The following SLC9C1 variants were observed in gnomAD, a reference collection of about 807,000 sequenced individuals.
SLC9C1 encodes sodium/hydrogen exchanger 10.
Under a neutral mutation model 140.9 loss-of-function variants are expected in SLC9C1, and 97 were observed. The ratio of observed to expected loss-of-function variants is 0.69; its 90% CI spans 0.58 to 0.82. The LOEUF (loss-of-function observed/expected upper bound fraction) is 0.82. Ranked by LOEUF, SLC9C1 falls within the 40% of genes least tolerant of loss-of-function variation. The pLI is 0.00. For synonymous variants in SLC9C1, 440 were observed against 442.6 expected (o/e 0.99, Z 0.07); for missense variants, 1,340 against 1,389.3 (o/e 0.96, Z 0.56).
chr3:112,261,728 CTT>C (rs1052445333), intron 10 of SLC9C1, among the ~76,000 whole-genome samples: 9 of 152,060 alleles, frequency 5.9e-5, no homozygotes, highest in African/African-American at 2.2e-4. Context: ...TATATCATCA[CTT>C]ATAATTTCAT....
chr3:112,225,045 C>G, intron 13 of SLC9C1, among the ~76,000 whole-genome samples: 1 of 151,952 alleles, frequency 6.6e-6, no homozygotes, highest in East Asian at 1.9e-4. Context: ...TCAAATATCC[C>G]CCAAAAGATT....
At chr3:112,258,611 T>G (rs1465389656) in intron 10 of SLC9C1, among the ~76,000 whole-genome samples, 1 of 151,904 alleles carries the variant, frequency 6.6e-6, no homozygotes, top group Non-Finnish European at 1.5e-5. Context: ...TGTATTTTTA[T>G]TTTTAGTTTT....
intron 10 of SLC9C1, among the ~76,000 whole-genome samples, chr3:112,255,158 C>G (rs1334262492): frequency 6.6e-6 from 1 of 152,108 alleles, no homozygotes; most frequent in Non-Finnish European, 1.5e-5. Flanking sequence ...ACTCCACGGA[C>G]AGTAGCAAAC....
intron 23 of SLC9C1, among the ~76,000 whole-genome samples, chr3:112,175,446 A>T (rs1050460089): frequency 6.6e-6 from 1 of 152,106 alleles, no homozygotes; most frequent in African/African-American, 2.4e-5. Flanking sequence ...CCTACTTAAA[A>T]ATAACAGTCT....
At chr3:112,211,921 C>A (rs556623517) in intron 15 of SLC9C1, among the ~76,000 whole-genome samples, 1 of 152,228 alleles carries the variant, frequency 6.6e-6, no homozygotes, top group African/African-American at 2.4e-5. Flanking sequence ...AAGTGGATCT[C>A]TGACCCCCGA....
intron 28 of SLC9C1, among the ~76,000 whole-genome samples, chr3:112,149,236 T>C (rs2074889476): frequency 6.6e-6 from 1 of 152,018 alleles, no homozygotes; most frequent in African/African-American, 2.4e-5. Context: ...TGCCTGGTCA[T>C]GGAGCAGAGA....
chr3:112,198,238 AT>A (rs1252898616), intron 20 of SLC9C1, among the ~76,000 whole-genome samples: 12 of 151,778 alleles, frequency 7.9e-5, no homozygotes, highest in Non-Finnish European at 1.2e-4. Context: ...ATATAATAAT[AT>A]TTTTCTAAAT....
Position 112,141,325 on chromosome 3 carries a change from G to C in SLC9C1, c.3525-44C>G, listed in dbSNP as rs763580693. 15 of 1,560,816 alleles carry C rather than the reference G, an allele frequency of 9.6e-6. No homozygotes were observed. In the South Asian group the frequency reaches 1.3e-4, roughly 14 times the overall value. On this transcript the variant is annotated intron_variant, in intron 28 of 28. Coordinates refer to ENST00000305815, the MANE Select transcript of SLC9C1 (RefSeq NM_183061.3). ...AAAAACAAAAACATAGAGGGCTTTT[G>C]AATCTTTCAATATTGACTTACAACC...
In SLC9C1 at chr3:112,160,568, T is replaced by A. The variant is rs1560013341; in HGVS notation, c.3365-5519A>T. Among the ~76,000 whole-genome samples, 2 of 151,900 alleles carry A rather than the reference T, an allele frequency of 1.3e-5. 1 individual carries two copies. The highest frequency in any genetic ancestry group is 4.2e-4 in the South Asian group (2 of 4,806). On this transcript the variant is annotated intron_variant, in intron 26 of 28. Coordinates refer to ENST00000305815, the MANE Select transcript of SLC9C1 (RefSeq NM_183061.3). ...GTTTACTGAGAATGATGATTTCCAA[T>A]TTCATCCATGTCCCCACAAAGGACA... is the stretch of plus-strand genomic sequence containing the variant.
chr3:112,286,710 T>C lies in SLC9C1; in HGVS notation c.82A>G (p.Ile28Val). 3 of 1,611,526 alleles carry C rather than the reference T, an allele frequency of 1.9e-6. No individual in the cohort carries two copies. The highest frequency in any genetic ancestry group is 2.5e-6 in the Non-Finnish European group (3 of 1,178,814). Residue 28 changes from isoleucine (I) to valine (V), a missense_variant, in exon 2 of 29, where the codon ATT becomes GTT. Transcript: ENST00000305815. The stretch of plus-strand genomic sequence containing the variant: ...AAGAGAGAGTGATACTTACCTCCAA[T>C]GGAGCTGATCAAAGACAATGTTAGA... ...VILTLSLISS[I>V]GAFLNRHLED...
At chr3:112,249,723 T>C (rs1311545887) in intron 10 of SLC9C1, among the ~76,000 whole-genome samples, 1 of 152,172 alleles carries the variant, frequency 6.6e-6, no homozygotes, top group Non-Finnish European at 1.5e-5. Flanking sequence ...CTAGTTTGTG[T>C]GCAGAGGTGT....
intron 26 of SLC9C1, among the ~76,000 whole-genome samples, chr3:112,161,625 T>G (rs1381207330): frequency 4.6e-5 from 7 of 152,028 alleles, no homozygotes; most frequent in Non-Finnish European, 1.0e-4. Flanking sequence ...GTTCCATTGA[T>G]CTATATCTCT....
intron 11 of SLC9C1, among the ~76,000 whole-genome samples, chr3:112,243,161 C>T (rs968299816): frequency 2.0e-5 from 3 of 151,896 alleles, no homozygotes; most frequent in African/African-American, 7.3e-5. Flanking sequence ...AGCTAGCCAC[C>T]CCAAGATAGC....
intron 13 of SLC9C1, among the ~76,000 whole-genome samples, chr3:112,225,252 A>T (rs1472531057): frequency 6.6e-6 from 1 of 152,190 alleles, no homozygotes; most frequent in Non-Finnish European, 1.5e-5. Context: ...AAAGACAAAA[A>T]AAACTTTCAA....
chr3:112,233,068 T>TATA lies in SLC9C1; in HGVS notation c.1447-1583_1447-1582insTAT, dbSNP rs59351134. ...ACACACACATATATATATATATATATTATATTTTTTTTTTTTTTAAGAAAG... is the reference window on the plus strand; with the variant it reads ...ACACACACATATATATATATATATATATATATATTTTTTTTTTTTTTAAGAAAG... On this transcript the variant is annotated intron_variant, in intron 12 of 28. Transcript: ENST00000305815. Among the ~76,000 whole-genome samples, 390 of 128,682 alleles carry TATA rather than the reference T, an allele frequency of 3.0e-3. 4 individuals carry two copies. Among genetic ancestry groups the TATA allele is most frequent in the Middle Eastern group, 8.2e-3 (2 of 244 alleles). 84.4% of individuals were successfully genotyped at this position (128,682 alleles called of 152,430 possible). A position where few individuals can be genotyped will look rare whatever the true frequency, so the allele number is the denominator to read the frequency against.
At chr3:112,277,468 T>G (rs2080245285) in intron 5 of SLC9C1, among the ~76,000 whole-genome samples, 1 of 152,062 alleles carries the variant, frequency 6.6e-6, no homozygotes, top group African/African-American at 2.4e-5. Flanking sequence ...TCCCCTCCCC[T>G]ATTCCACAAT....
chr3:112,215,419 G>T (rs946679355), intron 15 of SLC9C1, among the ~76,000 whole-genome samples: 1 of 152,072 alleles, frequency 6.6e-6, no homozygotes, highest in Non-Finnish European at 1.5e-5. Flanking sequence ...AAGTCAAATT[G>T]TCCCTGTTTG....
intron 26 of SLC9C1, among the ~76,000 whole-genome samples, chr3:112,156,369 G>A (rs991447426): frequency 6.6e-6 from 1 of 151,828 alleles, no homozygotes; most frequent in African/African-American, 2.4e-5. Flanking sequence ...ATTCCATTGT[G>A]TATATACACA....
At chr3:112,185,802 C>G (rs1576296281) in intron 20 of SLC9C1, 4 of 1,563,694 alleles carry the variant, frequency 2.6e-6, no homozygotes, top group East Asian at 2.3e-5. Flanking sequence ...GGGCACCAGA[C>G]GCTGGTAGCG....
Sources: gnomAD v4.1 joint callset for allele counts (sites outside exome capture counted in the v4.1 genomes callset) on GRCh38, gnomAD v4.1.1 for gene constraint, MANE v1.5 for transcripts, NCBI Gene and HGNC (gene_info 2026-07-23, HGNC 2026-07-21) for gene names.